The following EGF variants were observed in gnomAD, a reference collection of about 807,000 sequenced individuals.
EGF encodes epidermal growth factor.
A neutral mutation model predicts 143.8 loss-of-function variants in EGF; 95 were observed. The observed-to-expected ratio is 0.66, with a 90% CI of 0.56 to 0.78. EGF has a LOEUF of 0.78. Ranked by LOEUF, EGF falls within the 30% of genes least tolerant of loss-of-function variation. The pLI, the probability that EGF is intolerant of heterozygous loss-of-function variation, is 0.00. For synonymous variants in EGF, 510 were observed against 510.5 expected (o/e 1.00, Z 0.01); for missense variants, 1,320 against 1,470.9 (o/e 0.90, Z 1.68).
intron 14 of EGF, 93 bp downstream of exon 14, chr4:109,980,232 G>T: frequency 7.4e-7 from 1 of 1,354,026 alleles, no homozygotes; most frequent in East Asian, 2.4e-5. Flanking sequence ...GGGGGTGGAG[G>T]GGATTTTGTA....
At chr4:109,966,900 T>A (rs2126074694) in intron 10 of EGF, among the ~76,000 whole-genome samples, 1 of 152,284 alleles carries the variant, frequency 6.6e-6, no homozygotes, top group South Asian at 2.1e-4. Flanking sequence ...TTTGTTTTTA[T>A]CTTCTCGGGT....
chr4:109,939,890 TCC>T (rs1741620033), intron 1 of EGF, among the ~76,000 whole-genome samples: 1 of 152,120 alleles, frequency 6.6e-6, no homozygotes, highest in South Asian at 2.1e-4. Flanking sequence ...ATGTTAGAAT[TCC>T]CCTCCATTCC....
At chr4:109,986,857 C>T (rs1423401706) in intron 16 of EGF, among the ~76,000 whole-genome samples, 1 of 152,088 alleles carries the variant, frequency 6.6e-6, no homozygotes, top group Non-Finnish European at 1.5e-5. Flanking sequence ...CTGCACTTAA[C>T]TTGTATGGTT....
chr4:109,979,879 A>G lies in EGF; in HGVS notation c.2054-93A>G, dbSNP rs539063301. 4.1e-6 allele frequency: 6 copies of G among 1,456,440 alleles called. No homozygotes were observed. The South Asian group carries it at 7.3e-5, about 18-fold the overall frequency. 90.2% of individuals were successfully genotyped at this position (1,456,440 alleles called of 1,614,324 possible). On this transcript the variant is annotated intron_variant, in intron 13 of 23. Coordinates refer to ENST00000265171, the MANE Select transcript of EGF (RefSeq NM_001963.6). ...AGTAGCTAAAGAGCTGATTTAGTGT[A>G]GGAATGTTGTGTAAATTTCAAGCCT... is the stretch of plus-strand genomic sequence containing the variant.
At chr4:109,997,857 TG>T (rs1752036823) in intron 20 of EGF, among the ~76,000 whole-genome samples, 1 of 152,142 alleles carries the variant, frequency 6.6e-6, no homozygotes, top group Admixed American at 6.6e-5. Flanking sequence ...AGTGAGACCC[TG>T]TCCATAAAAA....
intron 11 of EGF, among the ~76,000 whole-genome samples, chr4:109,972,529 C>T (rs1747823621): frequency 6.6e-6 from 1 of 152,132 alleles, no homozygotes; most frequent in South Asian, 2.1e-4. Context: ...TTCTTCCCTC[C>T]CACCAAGGGA....
At chr4:109,917,222 T>G (rs1179324244) in intron 1 of EGF, among the ~76,000 whole-genome samples, 2 of 152,188 alleles carry the variant, frequency 1.3e-5, no homozygotes, top group African/African-American at 4.8e-5. Context: ...ATTAAAAGCA[T>G]ATAAAAATGG....
chr4:109,961,619 G>T (rs930828622), intron 7 of EGF, among the ~76,000 whole-genome samples: 1 of 151,832 alleles, frequency 6.6e-6, no homozygotes, highest in East Asian at 1.9e-4. Flanking sequence ...ATACATTATT[G>T]TATCTAAAAA....
chr4:109,960,512 G>A (rs1745511140), intron 6 of EGF, among the ~76,000 whole-genome samples: 1 of 152,136 alleles, frequency 6.6e-6, no homozygotes, highest in Non-Finnish European at 1.5e-5. Flanking sequence ...GAGTGTTGTG[G>A]TGTGCACCTG....
chr4:109,951,481 G>GTTGT (rs551752436), intron 5 of EGF, among the ~76,000 whole-genome samples: 110 of 152,166 alleles, frequency 7.2e-4, no homozygotes, highest in African/African-American at 2.6e-3. Context: ...TTTTTTTGTT[G>GTTGT]TTGTTTGTTT....
intron 20 of EGF, among the ~76,000 whole-genome samples, chr4:109,995,294 C>T (rs950878862): frequency 6.6e-6 from 1 of 152,166 alleles, no homozygotes; most frequent in African/African-American, 2.4e-5. Flanking sequence ...AAGTTTGGTA[C>T]ATATTCACAC....
chr4:109,962,998 C>T (rs11568951), intron 8 of EGF, among the ~76,000 whole-genome samples, 175 bp from the exon 9 acceptor site: 5 of 147,108 alleles, frequency 3.4e-5, no homozygotes, highest in Admixed American at 7.0e-5. Context: ...ACTTGGGAGG[C>T]GGAGGTTGCA....
chr4:109,999,631 G>A (rs1003135937), intron 20 of EGF, 48 bp from the exon 21 acceptor site: 2 of 1,613,342 alleles, frequency 1.2e-6, no homozygotes. Flanking sequence ...AACTATCAGC[G>A]TTTTTGGCCA....
chr4:110,004,448 G>A (rs1026568809), intron 21 of EGF, 57 bp from the exon 22 acceptor site: 1 of 1,463,078 alleles, frequency 6.8e-7, no homozygotes, highest in Non-Finnish European at 9.6e-7. Context: ...TCATCACTGA[G>A]TGGGCTGAGT....
In EGF at chr4:109,975,334, C is replaced by T. The variant is rs193254007; in HGVS notation, c.1829+527C>T. On this transcript the variant is annotated intron_variant, in intron 12 of 23. Transcript: ENST00000265171. The stretch of plus-strand genomic sequence containing the variant: ...TTAAAAAACAAAGATAAAAACCAAC[C>T]CTATTTTATTTACACTGGAAATTTC... Among the ~76,000 whole-genome samples the T allele has an allele frequency of 1.7e-3, 254 of 152,140 alleles. 1 individual carries two copies. The highest frequency in any genetic ancestry group is 5.8e-3 in the African/African-American group (241 of 41,514).
At position 110,001,841 on chromosome 4, in the gene EGF, C is replaced by T. The variant is rs1219833037; in HGVS notation, c.3173+1995C>T. 3.0e-6 allele frequency: 3 copies of T among 985,300 alleles called. No homozygotes were observed. In the African/African-American group the frequency reaches 5.2e-5, roughly 17 times the overall value. 61.0% of individuals were successfully genotyped at this position (985,300 alleles called of 1,614,324 possible). A position where few individuals can be genotyped will look rare whatever the true frequency, so the allele number is the denominator to read the frequency against. ...GCTCATCAGAACCCTTTCTTTTTCT[C>T]TTCACTGAAATGCATCCAGAGTTGT... is the stretch of plus-strand genomic sequence containing the variant. On this transcript the variant is annotated intron_variant, in intron 21 of 23. Coordinates refer to ENST00000265171, the MANE Select transcript of EGF (RefSeq NM_001963.6).
At chr4:109,950,733 C>T (rs1407903282) in intron 5 of EGF, among the ~76,000 whole-genome samples, 2 of 152,158 alleles carry the variant, frequency 1.3e-5, no homozygotes, top group Non-Finnish European at 2.9e-5. Context: ...AGGAACTTGC[C>T]ACCTCCGTCC....
Position 109,968,951 on chromosome 4 carries a change from G to T in EGF, c.1576-20G>T, listed in dbSNP as rs771509343. The T allele has an allele frequency of 3.7e-6, 6 of 1,613,892 alleles. No homozygotes were observed. Among genetic ancestry groups the T allele is most frequent in the South Asian group, 1.1e-5 (1 of 91,060 alleles). On this transcript the variant is annotated intron_variant, in intron 10 of 23. Transcript: ENST00000265171. ...TTAGTTTTAAAAAAAAATCAGAAAT[G>T]CCTGTGTTCTCTTTTGTAGATATAC...
Position 109,980,970 on chromosome 4 carries a change from T to A in EGF, c.2366T>A (p.Leu789Ter). Residue 789 changes from leucine to a stop codon, truncating the protein, a stop_gained, in exon 15 of 24, where the codon TTG becomes TAG. Transcript: ENST00000265171. LOFTEE classifies it high-confidence loss of function. ...TCLALDGHQLLAGGEVDLKNQ... is the reference protein window; with the variant it reads ...TCLALDGHQL The stretch of plus-strand genomic sequence containing the variant: ...CTGGCTCTGGATGGTCATCAGCTGT[T>A]GGCAGGTAATATAATAAATTATGTG... 1 of 1,614,098 alleles carries A rather than the reference T, an allele frequency of 6.2e-7. No homozygotes were observed. Among genetic ancestry groups the A allele is most frequent in the South Asian group, 1.1e-5 (1 of 91,080 alleles).
Sources: allele counts gnomAD v4.1 joint callset (sites outside exome capture counted in the v4.1 genomes callset), GRCh38; gene constraint gnomAD v4.1.1; transcripts MANE v1.5; gene names NCBI Gene and HGNC (gene_info 2026-07-23, HGNC 2026-07-21).